Variants in CNTN4 observed in about 807,000 individuals in gnomAD.
CNTN4 encodes contactin-4.
Under a neutral mutation model 122.5 loss-of-function variants are expected in CNTN4, and 77 were observed. The observed-to-expected ratio is 0.63, with a 90% CI of 0.52 to 0.76. The LOEUF (loss-of-function observed/expected upper bound fraction) is 0.76. Ranked by LOEUF, CNTN4 falls within the 30% of genes least tolerant of loss-of-function variation. The probability of loss-of-function intolerance (pLI) is 0.00; values close to 1 mark genes in which losing one functional copy is unlikely to be tolerated. For synonymous variants in CNTN4, 512 were observed against 447.0 expected, an observed-to-expected ratio of 1.15 and a Z score of -1.83; for missense variants, 1,256 against 1,259.1, an observed-to-expected ratio of 1.00 and a Z score of 0.04.
chr3:2,226,498 C>G (rs2039288987), intron 2 of CNTN4, among the ~76,000 whole-genome samples: 1 of 152,312 alleles, frequency 6.6e-6, no homozygotes, highest in Non-Finnish European at 1.5e-5. Flanking sequence ...ATCTTCTACA[C>G]TGCTGGTTAA....
At chr3:2,603,699 C>T (rs2081142170) in intron 4 of CNTN4, among the ~76,000 whole-genome samples, 1 of 152,064 alleles carries the variant, frequency 6.6e-6, no homozygotes, top group Admixed American at 6.6e-5. Flanking sequence ...TAAAAACAGC[C>T]CGTTATGGGC....
chr3:2,497,968 C>T (rs1274197206), intron 3 of CNTN4, among the ~76,000 whole-genome samples: 1 of 152,012 alleles, frequency 6.6e-6, no homozygotes, highest in Non-Finnish European at 1.5e-5. Context: ...CCTTTCCACC[C>T]ACCCATAATC....
chr3:2,299,018 C>CA (rs4057757), intron 2 of CNTN4, among the ~76,000 whole-genome samples: 12 of 152,092 alleles, frequency 7.9e-5, no homozygotes, highest in Admixed American at 4.6e-4. Flanking sequence ...TTTCACCTGT[C>CA]GGGGGGTTTT....
chr3:2,523,332 A>G (rs1339399927), intron 3 of CNTN4, among the ~76,000 whole-genome samples: 2 of 150,988 alleles, frequency 1.3e-5, no homozygotes, highest in East Asian at 2.0e-4. Flanking sequence ...TAGTGGTGAC[A>G]AATCTCAGGA....
chr3:2,999,064 T>C (rs1455581167), intron 14 of CNTN4: 1 of 152,246 alleles, frequency 6.6e-6, no homozygotes, highest in Non-Finnish European at 1.5e-5. Context: ...ATCCAGGCTG[T>C]ATTCAATCCA....
Position 2,943,630 on chromosome 3 carries a change from A to ATT in CNTN4, c.1358+17862_1358+17863dup, listed in dbSNP as rs367606924. 7.0e-3 allele frequency among the ~76,000 whole-genome samples: 899 copies of ATT among 128,178 alleles called. 12 individuals carry two copies. Among genetic ancestry groups the ATT allele is most frequent in the Middle Eastern group, 0.02 (5 of 252 alleles). The allele number at this position is 128,178 out of a possible 152,430, so 84.1% of individuals were successfully genotyped here. On this transcript the variant is annotated intron_variant, in intron 13 of 24. Coordinates refer to ENST00000418658, the MANE Select transcript of CNTN4 (RefSeq NM_175607.3). ...AATATATTTATATATATATATATAT[A>ATT]TTTTTTTTTTTTGAGACGGAGTCTT...
At chr3:2,893,443 G>A (rs993375142) in intron 10 of CNTN4, among the ~76,000 whole-genome samples, 4 of 152,184 alleles carry the variant, frequency 2.6e-5, no homozygotes, top group Non-Finnish European at 5.9e-5. Flanking sequence ...GCAATAGTTT[G>A]CTTAATTGTC....
At chr3:2,605,015 C>A (rs1266195436) in intron 4 of CNTN4, among the ~76,000 whole-genome samples, 3 of 152,078 alleles carry the variant, frequency 2.0e-5, no homozygotes, top group African/African-American at 7.2e-5. Flanking sequence ...GCTTTTTAAA[C>A]ATTTATTTAG....
intron 2 of CNTN4, among the ~76,000 whole-genome samples, chr3:2,158,782 C>A (rs1406031742): frequency 6.6e-6 from 1 of 152,188 alleles, no homozygotes; most frequent in Non-Finnish European, 1.5e-5. Context: ...CCCATTGTTT[C>A]TAGATCTTCA....
At chr3:2,865,111 A>G (rs1415652415) in intron 7 of CNTN4, among the ~76,000 whole-genome samples, 3 of 152,174 alleles carry the variant, frequency 2.0e-5, no homozygotes, top group African/African-American at 4.8e-5. Flanking sequence ...AAGCACTTGT[A>G]TATTTACACT....
rs138895208 is a variant in CNTN4 at position 2,789,120 on chromosome 3, C to T, written c.359-30366C>T. On this transcript the variant is annotated intron_variant, in intron 6 of 24. Transcript: ENST00000418658. ...GTCTTAATGAAATGATCTCGGGAGC[C>T]CTAGGAATTTGCCTGACCATTCAAA... 1.1e-3 allele frequency among the ~76,000 whole-genome samples: 160 copies of T among 152,152 alleles called. 2 individuals carry two copies. Among genetic ancestry groups the T allele is most frequent in the Admixed American group, 4.0e-3 (61 of 15,286 alleles).
chr3:2,287,735 A>G lies in CNTN4; in HGVS notation c.-144-51443A>G, dbSNP rs184621302. Among the ~76,000 whole-genome samples the G allele has an allele frequency of 1.4e-3, 154 of 113,320 alleles. 1 individual carries two copies. Among genetic ancestry groups the G allele is most frequent in the Middle Eastern group, 5.2e-3 (1 of 192 alleles). 74.3% of individuals were successfully genotyped at this position (113,320 alleles called of 152,430 possible). On this transcript the variant is annotated intron_variant, in intron 2 of 24. Transcript: ENST00000418658. ...AGGAAGAAGAAGAAGAAGAAGAAGA[A>G]GAAGAAGAAGAAGAAGAAGAAGAAG...
intron 2 of CNTN4, among the ~76,000 whole-genome samples, chr3:2,225,575 C>G (rs1386850330): frequency 6.6e-6 from 1 of 152,152 alleles, no homozygotes; most frequent in African/African-American, 2.4e-5. Context: ...TTCCCTTCAT[C>G]TTTGGTACAG....
intron 2 of CNTN4, among the ~76,000 whole-genome samples, chr3:2,126,948 G>A (rs926862935): frequency 6.6e-6 from 1 of 152,154 alleles, no homozygotes; most frequent in Non-Finnish European, 1.5e-5. Context: ...AGGGTGGTTC[G>A]AAACTAGAAG....
intron 13 of CNTN4, among the ~76,000 whole-genome samples, chr3:2,926,492 A>T (rs1217438695): frequency 6.6e-6 from 1 of 152,184 alleles, no homozygotes; most frequent in Non-Finnish European, 1.5e-5. Context: ...CCTGTAAAAT[A>T]TCCCCTACCT....
chr3:2,268,105 T>A lies in CNTN4; in HGVS notation c.-144-71073T>A, dbSNP rs73804948. ...ACTAACATATGTTAAGCATTTACTA[T>A]CTGCTCAATATACTTTGCTAGGCAT... is the stretch of plus-strand genomic sequence containing the variant. On this transcript the variant is annotated intron_variant, in intron 2 of 24. Coordinates refer to ENST00000418658, the MANE Select transcript of CNTN4 (RefSeq NM_175607.3). Among the ~76,000 whole-genome samples, 525 of 152,240 alleles carry A rather than the reference T, an allele frequency of 3.4e-3. 3 individuals are homozygous for A. The highest frequency in any genetic ancestry group is 0.012 in the African/African-American group (498 of 41,562).
intron 13 of CNTN4, among the ~76,000 whole-genome samples, chr3:2,964,361 A>G (rs1042513409): frequency 6.6e-6 from 1 of 152,298 alleles, no homozygotes; most frequent in Non-Finnish European, 1.5e-5. Flanking sequence ...ATCCAATGTG[A>G]GTAAATCAGA....
chr3:2,915,748 A>G (rs761706717), intron 12 of CNTN4, among the ~76,000 whole-genome samples: 2 of 152,234 alleles, frequency 1.3e-5, no homozygotes, highest in Non-Finnish European at 2.9e-5. Flanking sequence ...AGATTTGCAC[A>G]CCTATATTAA....
At chr3:2,587,533 A>G (rs1022678459) in intron 4 of CNTN4, among the ~76,000 whole-genome samples, 7 of 152,154 alleles carry the variant, frequency 4.6e-5, no homozygotes, top group Admixed American at 2.0e-4. Flanking sequence ...CTTCTCTCCA[A>G]TGTTGTGATA....
Sources: gnomAD v4.1 joint callset for allele counts (sites outside exome capture counted in the v4.1 genomes callset) on GRCh38, gnomAD v4.1.1 for gene constraint, MANE v1.5 for transcripts, NCBI Gene and HGNC (gene_info 2026-07-23, HGNC 2026-07-21) for gene names.